Variants in LUZP2 observed in about 807,000 individuals in gnomAD.
LUZP2 encodes leucine zipper protein 2.
A neutral mutation model predicts 51.6 loss-of-function variants in LUZP2; 52 were observed. That is an observed-to-expected ratio of 1.01 (90% CI 0.81 to 1.27). LUZP2 has a LOEUF of 1.27. Among genes scored for constraint, LUZP2 ranks in the 50% most tolerant of loss-of-function variants. The pLI, the probability that LUZP2 is intolerant of heterozygous loss-of-function variation, is 0.00. For missense variants in LUZP2, 436 were observed against 395.4 expected, an observed-to-expected ratio of 1.10 and a Z score of -0.87; for synonymous variants, 154 against 137.3, an observed-to-expected ratio of 1.12 and a Z score of -0.85.
intron 5 of LUZP2, among the ~76,000 whole-genome samples, chr11:24,808,693 C>T (rs1220198263): frequency 6.6e-6 from 1 of 152,242 alleles, no homozygotes. Context: ...TTGGTCTCCA[C>T]CTTCTGCACT....
At chr11:24,602,160 ATATATGTG>A (rs1260155700) in intron 1 of LUZP2, among the ~76,000 whole-genome samples, 5 of 88,488 alleles carry the variant, frequency 5.7e-5, no homozygotes, top group East Asian at 2.2e-4. Flanking sequence ...GTATATATGT[ATATATGTG>A]TATATATATG....
At chr11:24,962,612 C>G (rs1298182931) in intron 7 of LUZP2, among the ~76,000 whole-genome samples, 1 of 152,230 alleles carries the variant, frequency 6.6e-6, no homozygotes, top group African/African-American at 2.4e-5. Context: ...GCTTTCAGCT[C>G]CATCAGCTCC....
chr11:24,537,959 G>C (rs1246567990), intron 1 of LUZP2, among the ~76,000 whole-genome samples: 1 of 151,752 alleles, frequency 6.6e-6, no homozygotes, highest in Non-Finnish European at 1.5e-5. Flanking sequence ...TATTTGTGTT[G>C]CTTGTTTTTC....
intron 1 of LUZP2, among the ~76,000 whole-genome samples, chr11:24,678,916 G>C (rs1856648582): frequency 6.6e-6 from 1 of 152,194 alleles, no homozygotes; most frequent in South Asian, 2.1e-4. Context: ...GCTGCGTCCA[G>C]GCATCCAAGC....
chr11:24,550,696 T>C (rs944336581), intron 1 of LUZP2, among the ~76,000 whole-genome samples: 1 of 152,126 alleles, frequency 6.6e-6, no homozygotes, highest in Non-Finnish European at 1.5e-5. Flanking sequence ...TTATTCTCCA[T>C]GTAACACTCT....
intron 1 of LUZP2, among the ~76,000 whole-genome samples, chr11:24,664,427 G>A (rs913479753): frequency 2.0e-5 from 3 of 152,104 alleles, no homozygotes; most frequent in Non-Finnish European, 2.9e-5. Context: ...CATTTTCTGG[G>A]GAGAAATTCA....
chr11:24,849,303 C>A (rs1851310556), intron 5 of LUZP2, among the ~76,000 whole-genome samples: 1 of 152,006 alleles, frequency 6.6e-6, no homozygotes. Context: ...TCAACAGGCC[C>A]CGGTGTGTGA....
intron 1 of LUZP2, among the ~76,000 whole-genome samples, chr11:24,571,539 A>G (rs762956694): frequency 6.6e-6 from 1 of 152,076 alleles, no homozygotes; most frequent in Non-Finnish European, 1.5e-5. Context: ...AACAATTCTC[A>G]TATGTCATTT....
At chr11:24,821,305 G>A (rs1850349258) in intron 5 of LUZP2, among the ~76,000 whole-genome samples, 1 of 152,040 alleles carries the variant, frequency 6.6e-6, no homozygotes, top group South Asian at 2.1e-4. Context: ...AGAACACAGT[G>A]CATATTCAAT....
chr11:24,697,601 T>C (rs1029646281), intron 1 of LUZP2, among the ~76,000 whole-genome samples: 1 of 152,172 alleles, frequency 6.6e-6, no homozygotes, highest in Admixed American at 6.5e-5. Context: ...ATAGCTCCTT[T>C]CCAAAACTAC....
chr11:24,921,177 A>G (rs1854040983), intron 7 of LUZP2, among the ~76,000 whole-genome samples: 1 of 152,080 alleles, frequency 6.6e-6, no homozygotes, highest in South Asian at 2.1e-4. Context: ...GAAGAAAGAA[A>G]GAAGAAAACA....
At chr11:25,076,674 G>A (rs1456547913) in intron 10 of LUZP2, among the ~76,000 whole-genome samples, 1 of 149,410 alleles carries the variant, frequency 6.7e-6, no homozygotes, top group African/African-American at 2.5e-5. Context: ...AAGGAGGGAG[G>A]GAGGGAGGAT....
intron 9 of LUZP2, among the ~76,000 whole-genome samples, chr11:24,999,470 G>C: frequency 6.6e-6 from 1 of 151,000 alleles, no homozygotes; most frequent in African/African-American, 2.5e-5. Context: ...GAAGGAAAAG[G>C]AGAAAAAGAA....
At chr11:24,664,735 A>G (rs1341449422) in intron 1 of LUZP2, among the ~76,000 whole-genome samples, 1 of 152,126 alleles carries the variant, frequency 6.6e-6, no homozygotes, top group Non-Finnish European at 1.5e-5. Context: ...CTTGGCACTT[A>G]TATGTGGTGT....
chr11:24,737,289 G>A (rs1469474545), intron 3 of LUZP2, among the ~76,000 whole-genome samples: 1 of 152,024 alleles, frequency 6.6e-6, no homozygotes, highest in African/African-American at 2.4e-5. Context: ...GAGAGGGTGT[G>A]TCACTTGCTC....
intron 1 of LUZP2, among the ~76,000 whole-genome samples, chr11:24,527,841 G>A (rs1300533614): frequency 6.6e-6 from 1 of 151,310 alleles, no homozygotes; most frequent in Admixed American, 6.6e-5. Context: ...CCAGAGAAGA[G>A]TCCTAAAAAT....
chr11:24,682,607 TG>T (rs1856775330), intron 1 of LUZP2, among the ~76,000 whole-genome samples: 1 of 146,290 alleles, frequency 6.8e-6, no homozygotes, highest in South Asian at 2.1e-4. Flanking sequence ...TGTATATATA[TG>T]TGTATGTGTA....
intron 1 of LUZP2, among the ~76,000 whole-genome samples, chr11:24,672,953 T>C (rs1156814282): frequency 6.6e-6 from 1 of 152,174 alleles, no homozygotes; most frequent in African/African-American, 2.4e-5. Context: ...AGCCGTGGCA[T>C]TAGATACTCA....
At chr11:25,044,060 G>A (rs10767303) in intron 9 of LUZP2, among the ~76,000 whole-genome samples, 2 of 102,300 alleles carry the variant, frequency 2.0e-5, no homozygotes, top group African/African-American at 1.1e-4. Context: ...GATATATATA[G>A]AGTCTATATA....
Sources: allele counts gnomAD v4.1 joint callset (sites outside exome capture counted in the v4.1 genomes callset), GRCh38; gene constraint gnomAD v4.1.1; transcripts MANE v1.5; gene names NCBI Gene and HGNC (gene_info 2026-07-23, HGNC 2026-07-21).